Variants in TMPRSS9 observed in about 807,000 individuals in gnomAD.
TMPRSS9 encodes the protein transmembrane serine protease 9.
Under a neutral mutation model 111.4 loss-of-function variants are expected in TMPRSS9, and 113 were observed. The observed-to-expected ratio is 1.01, with a 90% CI of 0.87 to 1.19. The LOEUF (loss-of-function observed/expected upper bound fraction) is 1.19. Ranked by LOEUF, TMPRSS9 falls within the 50% of genes most tolerant of loss-of-function variation. TMPRSS9 has a pLI of 0.00. For missense variants in TMPRSS9, 1,803 were observed against 1,513.1 expected, an observed-to-expected ratio of 1.19 and a Z score of -3.18; for synonymous variants, 805 against 659.1, an observed-to-expected ratio of 1.22 and a Z score of -3.39.
chr19:2,413,638 T>C lies in TMPRSS9; in HGVS notation c.1255-62T>C. ...GCTCAGAGCTCCTTCTTGGGCCTCG[T>C]AGCACTGGTGTCTGGACTGGCTGCT... On this transcript the variant is annotated intron_variant, in intron 9 of 17. Transcript: ENST00000648592. The C allele has an allele frequency of 3.9e-6, 6 of 1,534,316 alleles. No individual in the cohort carries two copies. In the South Asian group the frequency reaches 4.8e-5, roughly 12 times the overall value.
At chr19:2,420,028 T>G (rs1016203341) in intron 13 of TMPRSS9, among the ~76,000 whole-genome samples, 1 of 151,624 alleles carries the variant, frequency 6.6e-6, no homozygotes, top group Non-Finnish European at 1.5e-5. Context: ...TCAGGCAGAG[T>G]GGCAGGTGCC....
chr19:2,408,980 C>T (rs1852586456), intron 8 of TMPRSS9, among the ~76,000 whole-genome samples: 2 of 108,528 alleles, frequency 1.8e-5, no homozygotes, highest in African/African-American at 7.1e-5. Flanking sequence ...CAGTGGGAGG[C>T]TCCATCTCAA....
At chr19:2,386,898 A>G (rs1472129231), upstream of TMPRSS9, among the ~76,000 whole-genome samples, 1 of 152,082 alleles carries the variant, frequency 6.6e-6, no homozygotes, top group Non-Finnish European at 1.5e-5. Context: ...AGACTGAGGC[A>G]TGAGAATCAC....
At chr19:2,425,446 C>T (rs763629188) in exon 17 of TMPRSS9, 12 of 1,591,904 alleles carry the variant, frequency 7.5e-6, no homozygotes, top group Admixed American at 6.8e-5. Context: ...GATCAGCAGC[C>T]GCATGCTGTG....
intron 8 of TMPRSS9, 32 bp from the exon 10 acceptor site, chr19:2,410,226 C>T (rs746497997): frequency 1.2e-6 from 2 of 1,611,780 alleles, no homozygotes; most frequent in South Asian, 2.2e-5. Context: ...CTCCGGCACT[C>T]TCACCCTGCT....
At position 2,425,186 on chromosome 19, in the gene TMPRSS9, A is replaced by G. The variant is rs184330957; in HGVS notation, c.2902A>G (p.Ile968Val). ...GCGTCGCAGCCGCCTGGTGCGTCCC[A>G]TCTGCCTGCCCGAGCCCGCGCCGCG... Residue 968 changes from isoleucine to valine, a missense_variant, in exon 16 of 18, where the codon ATC (isoleucine) becomes GTC (valine). By Grantham distance (29) the Ile-to-Val change is conservative (BLOSUM62 3). Transcript: ENST00000648592. 4,597 of 1,544,424 alleles carry G rather than the reference A, an allele frequency of 3.0e-3. 128 individuals are homozygous for G. The African/African-American group carries it at 0.057, about 19-fold the overall frequency.
At chr19:2,398,071 G>T (rs575235501) in intron 2 of TMPRSS9, among the ~76,000 whole-genome samples, 66 of 150,786 alleles carry the variant, frequency 4.4e-4, no homozygotes, top group African/African-American at 1.5e-3. Flanking sequence ...TGAGGTGGGC[G>T]GATCACGAGG....
chr19:2,379,181 C>CTTTT lies in TMPRSS9; in HGVS notation c.-25-10561_-25-10558dup, dbSNP rs919990556. Among the ~76,000 whole-genome samples the CTTTT allele has an allele frequency of 5.9e-3, 584 of 99,346 alleles. 3 individuals carry two copies. Among genetic ancestry groups the CTTTT allele is most frequent in the East Asian group, 0.011 (36 of 3,330 alleles). 65.2% of individuals were successfully genotyped at this position (99,346 alleles called of 152,430 possible). ...TAAGACAAAGCCTGAGCTTCTTTCT[C>CTTTT]TTTTTTTTTTTTTTTTTTTTTTGAG... is the stretch of plus-strand genomic sequence containing the variant. On this transcript the variant is annotated intron_variant, in intron 1 of 17. Coordinates refer to the TMPRSS9 transcript ENST00000649857.
intron 1 of TMPRSS9, among the ~76,000 whole-genome samples, chr19:2,365,545 C>T (rs988679058): frequency 3.3e-5 from 5 of 151,336 alleles, no homozygotes; most frequent in African/African-American, 2.4e-5. Flanking sequence ...ACCAAAGATG[C>T]GGAATCGAAT....
intron 1 of TMPRSS9, among the ~76,000 whole-genome samples, chr19:2,379,615 C>CTCTTTCCTTCTTTCTT (rs1555676517): frequency 1.7e-5 from 2 of 118,510 alleles, no homozygotes; most frequent in East Asian, 2.6e-4. Context: ...AACTTTCTTT[C>CTCTTTCCTTCTTTCTT]TCTTTCTTTC....
intron 8 of TMPRSS9, among the ~76,000 whole-genome samples, chr19:2,409,867 C>T (rs3848632): frequency 0.16 from 24,029 of 151,792 alleles, 1,981 homozygotes; most frequent in Middle Eastern, 0.22. Context: ...TATAATGACC[C>T]GGGCAAGGAT....
At chr19:2,385,143 G>GGGGCGGAGCTCGCGGA (rs1272612208), upstream of TMPRSS9, among the ~76,000 whole-genome samples, 1 of 149,058 alleles carries the variant, frequency 6.7e-6, no homozygotes, top group Non-Finnish European at 1.5e-5. Flanking sequence ...GAGCTCGCAG[G>GGGGCGGAGCTCGCGGA]GGGCGGAGCT....
At chr19:2,409,092 C>T (rs951282969) in intron 8 of TMPRSS9, among the ~76,000 whole-genome samples, 42 of 150,240 alleles carry the variant, frequency 2.8e-4, no homozygotes, top group African/African-American at 1.0e-3. Flanking sequence ...TCACGAATTC[C>T]ACTGCTTGCT....
chr19:2,405,480 G>A (rs1345318502), exon 7 of TMPRSS9: 2 of 1,608,070 alleles, frequency 1.2e-6, no homozygotes, highest in African/African-American at 1.3e-5. Flanking sequence ...AGAACAAGGA[G>A]CACTTCTGTG....
intron 1 of TMPRSS9, among the ~76,000 whole-genome samples, chr19:2,371,655 C>A (rs1005799892): frequency 4.6e-5 from 7 of 152,012 alleles, no homozygotes; most frequent in Admixed American, 4.6e-4. Flanking sequence ...CAACATCGTG[C>A]CACTGCACTC....
chr19:2,415,925 G>C, intron 11 of TMPRSS9, 84 bp downstream of exon 12: 2 of 1,457,100 alleles, frequency 1.4e-6, no homozygotes, highest in Non-Finnish European at 1.8e-6. Context: ...TGCTGGGGCT[G>C]CTGCATGGAC....
intron 6 of TMPRSS9, 48 bp downstream of exon 7, chr19:2,403,243 G>A: frequency 6.8e-7 from 1 of 1,480,790 alleles, no homozygotes; most frequent in South Asian, 1.2e-5. Context: ...CCCTTTTCCA[G>A]GGTCAGCTGC....
intron 1 of TMPRSS9, among the ~76,000 whole-genome samples, chr19:2,380,439 TAAAAA>T (rs546963899): frequency 7.1e-6 from 1 of 141,694 alleles, no homozygotes; most frequent in African/African-American, 2.6e-5. Flanking sequence ...CTACTAAAAA[TAAAAA>T]AAAAAAATTA....
At position 2,390,792 on chromosome 19, in the gene TMPRSS9, G is replaced by T. The variant is rs569566850; in HGVS notation, c.142+865G>T. 7.9e-5 allele frequency among the ~76,000 whole-genome samples: 12 copies of T among 151,700 alleles called. No homozygotes were observed. In the South Asian group the frequency reaches 1.7e-3, roughly 21 times the overall value. ...CGCTTGAACCTGGGAGGCAGAGGTT[G>T]CAGTGAGCTGAGATCGCACCACTGC... is the stretch of plus-strand genomic sequence containing the variant. On this transcript the variant is annotated intron_variant, in intron 1 of 17. Transcript: ENST00000648592.
Sources: gnomAD v4.1 joint callset for allele counts (sites outside exome capture counted in the v4.1 genomes callset) on GRCh38, gnomAD v4.1.1 for gene constraint, MANE v1.5 for transcripts, NCBI Gene and HGNC (gene_info 2026-07-23, HGNC 2026-07-21) for gene names.